NRXN3: variants seen among roughly 807,000 people sequenced by gnomAD.
NRXN3 encodes the protein neurexin 3.
NRXN3 carries 32 observed loss-of-function variants against 137.6 expected under a neutral mutation model. The observed-to-expected ratio is 0.23, with a 90% CI of 0.18 to 0.31. The LOEUF (loss-of-function observed/expected upper bound fraction) is 0.31, where lower values mean the gene tolerates loss of function less well. NRXN3 is among the 10% of genes least tolerant of loss of function. The probability of loss-of-function intolerance (pLI) is 1.00; values close to 1 mark genes in which losing one functional copy is unlikely to be tolerated. For synonymous variants in NRXN3, 798 were observed against 784.5 expected, an observed-to-expected ratio of 1.02 and a Z score of -0.29; for missense variants, 1,574 against 2,062.5, an observed-to-expected ratio of 0.76 and a Z score of 4.59.
At chr14:79,469,731 A>G (rs546158532) in intron 16 of NRXN3, among the ~76,000 whole-genome samples, 2 of 152,278 alleles carry the variant, frequency 1.3e-5, no homozygotes, top group South Asian at 2.1e-4. Context: ...AAAGGATCCT[A>G]TGCTGTGGGG....
chr14:78,389,230 A>G (rs1301258766), intron 4 of NRXN3, among the ~76,000 whole-genome samples: 1 of 151,808 alleles, frequency 6.6e-6, no homozygotes, highest in Non-Finnish European at 1.5e-5. Flanking sequence ...TAATTTCTGT[A>G]TTTTTAGTAC....
intron 4 of NRXN3, among the ~76,000 whole-genome samples, chr14:78,459,120 G>A (rs1314038588): frequency 1.3e-5 from 2 of 152,154 alleles, no homozygotes; most frequent in Non-Finnish European, 2.9e-5. Flanking sequence ...CTAACATACT[G>A]GGGTTTCTAC....
chr14:79,377,573 G>A (rs1039821597), intron 15 of NRXN3, among the ~76,000 whole-genome samples: 4 of 150,394 alleles, frequency 2.7e-5, no homozygotes, highest in Non-Finnish European at 1.5e-5. Context: ...GGCCAACATA[G>A]CGAAACTCTG....
At chr14:79,115,941 G>A (rs1283922087) in intron 15 of NRXN3, among the ~76,000 whole-genome samples, 1 of 152,086 alleles carries the variant, frequency 6.6e-6, no homozygotes, top group East Asian at 1.9e-4. Flanking sequence ...AGCCTATGGG[G>A]TAGATTTTAT....
intron 10 of NRXN3, among the ~76,000 whole-genome samples, chr14:78,875,198 A>G (rs2099111107): frequency 6.6e-6 from 1 of 152,248 alleles, no homozygotes; most frequent in Non-Finnish European, 1.5e-5. Context: ...AAAAGGTTCT[A>G]GAACTGGCAA....
At chr14:78,436,733 A>T (rs1360988575) in intron 4 of NRXN3, among the ~76,000 whole-genome samples, 1 of 152,350 alleles carries the variant, frequency 6.6e-6, no homozygotes, top group Admixed American at 6.5e-5. Context: ...ACAGTTAGTT[A>T]GAGTCTGCTT....
At chr14:79,790,000 A>G (rs1422485549) in intron 19 of NRXN3, among the ~76,000 whole-genome samples, 1 of 152,202 alleles carries the variant, frequency 6.6e-6, no homozygotes, top group African/African-American at 2.4e-5. Flanking sequence ...GAGGCCAGGA[A>G]GGCAGCAGAG....
intron 16 of NRXN3, among the ~76,000 whole-genome samples, chr14:79,657,161 C>T (rs221450): frequency 0.26 from 40,153 of 152,046 alleles, 5,657 homozygotes; most frequent in Middle Eastern, 0.43. Context: ...ACAAGTATTA[C>T]TGTTGCTCTT....
intron 16 of NRXN3, among the ~76,000 whole-genome samples, chr14:79,603,225 AG>A (rs2097949425): frequency 8.7e-6 from 1 of 114,638 alleles, no homozygotes; most frequent in South Asian, 2.5e-4. Flanking sequence ...AAAGACTGTC[AG>A]GTTACTCCAT....
intron 16 of NRXN3, among the ~76,000 whole-genome samples, chr14:79,495,436 T>G (rs2009367): frequency 0.26 from 39,014 of 152,026 alleles, 5,407 homozygotes; most frequent in Non-Finnish European, 0.3. Context: ...CATTTTTTTT[T>G]TCTTTTTGAA....
At chr14:79,219,846 C>G (rs774738628) in intron 15 of NRXN3, among the ~76,000 whole-genome samples, 61 of 152,112 alleles carry the variant, frequency 4.0e-4, no homozygotes, top group Non-Finnish European at 6.6e-4. Context: ...GCTATAGAGG[C>G]AGAGTTGTTT....
chr14:78,912,625 A>C (rs903230838), intron 10 of NRXN3, among the ~76,000 whole-genome samples: 2 of 152,108 alleles, frequency 1.3e-5, no homozygotes, highest in Non-Finnish European at 2.9e-5. Context: ...TATGTTCAAA[A>C]GGTTAGATAG....
At chr14:79,789,129 G>A (rs1234918739) in intron 19 of NRXN3, among the ~76,000 whole-genome samples, 19 of 152,088 alleles carry the variant, frequency 1.2e-4, no homozygotes, top group Admixed American at 1.2e-3. Context: ...TTGATAGTGA[G>A]ATAAATTTGA....
At chr14:78,565,536 G>A (rs2096828464) in intron 4 of NRXN3, among the ~76,000 whole-genome samples, 1 of 152,190 alleles carries the variant, frequency 6.6e-6, no homozygotes. Flanking sequence ...ACAAGAGTTT[G>A]TTCTGTCTCT....
At chr14:78,257,922 CTG>C (rs1213136341) in intron 2 of NRXN3, among the ~76,000 whole-genome samples, 3 of 152,030 alleles carry the variant, frequency 2.0e-5, no homozygotes, top group African/African-American at 7.2e-5. Flanking sequence ...AGAGAGGAGT[CTG>C]TATTAAGGGG....
intron 15 of NRXN3, among the ~76,000 whole-genome samples, chr14:79,278,054 A>G (rs543851260): frequency 6.6e-6 from 1 of 152,302 alleles, no homozygotes; most frequent in East Asian, 1.9e-4. Flanking sequence ...TCAAGGATGA[A>G]TAGGGCTGTC....
At position 78,300,734 on chromosome 14, in the gene NRXN3, C is replaced by A. The variant is rs1294888698; in HGVS notation, c.757+2874C>A. ...TTTATCATTATAACTATCAATCTGC[C>A]TTTTGAAATATTCATGCATCCAAGA... is the stretch of plus-strand genomic sequence containing the variant. On this transcript the variant is annotated intron_variant, in intron 4 of 20. Transcript: ENST00000335750. 3.6e-6 allele frequency: 5 copies of A among 1,377,172 alleles called. No homozygotes were observed. In the South Asian group the frequency reaches 6.2e-5, roughly 17 times the overall value. 85.3% of individuals were successfully genotyped at this position (1,377,172 alleles called of 1,614,324 possible).
At chr14:78,275,913 C>G (rs939445776) in intron 2 of NRXN3, among the ~76,000 whole-genome samples, 3 of 152,186 alleles carry the variant, frequency 2.0e-5, no homozygotes, top group Non-Finnish European at 2.9e-5. Context: ...CTAGCCATCC[C>G]CCTCCTTCGT....
At chr14:79,217,480 A>T (rs2068741039) in intron 15 of NRXN3, among the ~76,000 whole-genome samples, 1 of 152,214 alleles carries the variant, frequency 6.6e-6, no homozygotes, top group Non-Finnish European at 1.5e-5. Flanking sequence ...ATTACATTTC[A>T]ACATGAGATT....
Sources: gnomAD v4.1 joint callset for allele counts (sites outside exome capture counted in the v4.1 genomes callset) on GRCh38, gnomAD v4.1.1 for gene constraint, MANE v1.5 for transcripts, NCBI Gene and HGNC (gene_info 2026-07-23, HGNC 2026-07-21) for gene names.